Variants in TCTA observed in about 807,000 individuals in gnomAD.
TCTA encodes T-cell leukemia translocation-altered gene protein.
A neutral mutation model predicts 13.5 loss-of-function variants in TCTA; 13 were observed. The observed-to-expected ratio is 0.96, with a 90% CI of 0.63 to 1.53. The LOEUF (loss-of-function observed/expected upper bound fraction) is 1.53, where lower values mean the gene tolerates loss of function less well. TCTA is among the 40% of genes most tolerant of loss of function. The probability of loss-of-function intolerance (pLI) is 0.00; values close to 1 mark genes in which losing one functional copy is unlikely to be tolerated. For synonymous variants in TCTA, 58 were observed against 59.0 expected, an observed-to-expected ratio of 0.98 and a Z score of 0.08; for missense variants, 138 against 131.3, an observed-to-expected ratio of 1.05 and a Z score of -0.25.
Position 49,415,843 on chromosome 3 carries a change from CCTT to C in TCTA, c.*985_*987del, listed in dbSNP as rs1371790525. ...CTGTCCTACTCATATTCCTCTCAGT[CCTT>C]CTTGGGGGTAAGCTGATTACCTGAA... On this transcript the variant is annotated 3_prime_UTR_variant, in exon 3 of 3. Transcript: ENST00000273590. 2.6e-5 allele frequency: 4 copies of C among 152,250 alleles called. No homozygotes were observed. The highest frequency in any genetic ancestry group is 9.7e-5 in the African/African-American group (4 of 41,438). 9.4% of individuals were successfully genotyped at this position (152,250 alleles called of 1,614,324 possible).
At position 49,413,038 on chromosome 3, in the gene TCTA, A is replaced by G; in HGVS notation, c.215-18A>G. On this transcript the variant is annotated intron_variant, in intron 1 of 2. Transcript: ENST00000273590. Reference sequence around the variant, plus strand: ...CCACCCCAGCCTTCTGCAGCTCTGGATGTGTTTCTGCCTCCAGGTCTGGGT... The same window carrying G: ...CCACCCCAGCCTTCTGCAGCTCTGGGTGTGTTTCTGCCTCCAGGTCTGGGT... 2 of 1,613,702 alleles carry G rather than the reference A, an allele frequency of 1.2e-6. No individual in the cohort carries two copies. The highest frequency in any genetic ancestry group is 1.7e-6 in the Non-Finnish European group (2 of 1,179,830).
In TCTA at chr3:49,412,565, G is replaced by A. The variant is rs765410971; in HGVS notation, c.139G>A (p.Val47Met). The A allele has an allele frequency of 1.2e-6, 2 of 1,614,152 alleles. No homozygotes were observed. Among genetic ancestry groups the A allele is most frequent in the Non-Finnish European group, 8.5e-7 (1 of 1,180,058 alleles). ...CTTCAAGCTGCTGCTGCTGTGGTTGGTGTTAAGTCTCCTGGGCATCCAGCT... is the reference window on the plus strand; with the variant it reads ...CTTCAAGCTGCTGCTGCTGTGGTTGATGTTAAGTCTCCTGGGCATCCAGCT... ...TLFKLLLLWLVLSLLGIQLAW... is the reference protein window; with the variant it reads ...TLFKLLLLWLMLSLLGIQLAW... Residue 47 changes from valine (V) to methionine (M), a missense_variant, in exon 1 of 3, where the codon GTG becomes ATG. By Grantham distance (21) the Val-to-Met change is conservative (BLOSUM62 1). Coordinates refer to ENST00000273590, the MANE Select transcript of TCTA (RefSeq NM_022171.3).
intron 2 of TCTA, among the ~76,000 whole-genome samples, chr3:49,414,057 T>C (rs927966778): frequency 2.6e-5 from 4 of 151,982 alleles, no homozygotes; most frequent in Admixed American, 2.6e-4. Flanking sequence ...CTGGCCAACA[T>C]AGGGAAACCC....
intron 1 of TCTA, 55 bp from the exon 2 acceptor site, chr3:49,413,001 C>T: frequency 6.3e-7 from 1 of 1,589,788 alleles, no homozygotes; most frequent in Non-Finnish European, 8.6e-7. Flanking sequence ...GGGCTGATGC[C>T]TGCTCAGATT....
Position 49,414,949 on chromosome 3 carries a change from A to G in TCTA, c.*87A>G, listed in dbSNP as rs1426934154. 6.4e-7 allele frequency: 1 copy of G among 1,560,066 alleles called. No homozygotes were observed. Among genetic ancestry groups the G allele is most frequent in the African/African-American group, 1.4e-5 (1 of 73,550 alleles). Reference sequence around the variant, plus strand: ...TGCTACTCCCCAGACCTCAGGGACAACTGCCGGGGGTTCAGGGTTGGTAGC... The same window carrying G: ...TGCTACTCCCCAGACCTCAGGGACAGCTGCCGGGGGTTCAGGGTTGGTAGC... On this transcript the variant is annotated 3_prime_UTR_variant, in exon 3 of 3. Transcript: ENST00000273590.
Position 49,413,076 on chromosome 3 carries a change from T to C in TCTA, c.235T>C (p.Ser79Pro). 1 of 1,614,128 alleles carries C rather than the reference T, an allele frequency of 6.2e-7. No homozygotes were observed. Among genetic ancestry groups the C allele is most frequent in the Non-Finnish European group, 8.5e-7 (1 of 1,180,026 alleles). ...TCCAGGTCTGGGTGGTCAGAATGGA[T>C]CCACGCCTGATGGCTCCACGCATTT... ...HRPGLGGQNG[S>P]TPDGSTHFPS... Residue 79 changes from serine to proline, a missense_variant, in exon 2 of 3, where the codon TCC (serine) becomes CCC (proline). Transcript: ENST00000273590.
intron 2 of TCTA, among the ~76,000 whole-genome samples, chr3:49,414,027 G>A (rs929333005): frequency 1.3e-5 from 2 of 152,284 alleles, no homozygotes; most frequent in South Asian, 4.1e-4. Flanking sequence ...ATCACTTGAG[G>A]TCAGGAGTTT....
In TCTA at chr3:49,413,236, A is replaced by C. The variant is rs575771291; in HGVS notation, c.269+126A>C. The C allele has an allele frequency of 6.7e-6, 7 of 1,040,492 alleles. No individual in the cohort carries two copies. In the African/African-American group the frequency reaches 1.1e-4, roughly 16 times the overall value. 64.5% of individuals were successfully genotyped at this position (1,040,492 alleles called of 1,614,324 possible). Reference sequence around the variant, plus strand: ...CTTAATGGCCTTTGCAGCAAGCTTCAAGTCTGCACGTAGAGCTCAGGCTTC... The same window carrying C: ...CTTAATGGCCTTTGCAGCAAGCTTCCAGTCTGCACGTAGAGCTCAGGCTTC... On this transcript the variant is annotated intron_variant, in intron 2 of 2. Transcript: ENST00000273590.
At chr3:49,414,705 T>G in intron 2 of TCTA, 115 bp from the exon 3 acceptor site, 1 of 1,286,562 alleles carries the variant, frequency 7.8e-7, no homozygotes, top group Non-Finnish European at 1.1e-6. Flanking sequence ...TAGATTGTTA[T>G]GTGACCTTAC....
Position 49,412,610 on chromosome 3 carries a change from A to G in TCTA, c.184A>G (p.Asn62Asp). 6.2e-7 allele frequency: 1 copy of G among 1,614,184 alleles called. No individual in the cohort carries two copies. Among genetic ancestry groups the G allele is most frequent in the East Asian group, 2.2e-5 (1 of 44,882 alleles). ...CCAGCTGGCGTGGGGGTTCTACGGGAATACAGTGACCGGGTTGTATCACCG... is the reference window on the plus strand; with the variant it reads ...CCAGCTGGCGTGGGGGTTCTACGGGGATACAGTGACCGGGTTGTATCACCG... ...GIQLAWGFYG[N>D]TVTGLYHRPG... is the part of the protein sequence containing the mutation. Residue 62 changes from asparagine to aspartate, a missense_variant, in exon 1 of 3, where the codon AAT becomes GAT. Physicochemically the swap from Asn to Asp is conservative, Grantham distance 23. Coordinates refer to ENST00000273590, the MANE Select transcript of TCTA (RefSeq NM_022171.3).
At chr3:49,413,023 C>A in intron 1 of TCTA, 33 bp from the exon 2 acceptor site, 1 of 1,612,566 alleles carries the variant, frequency 6.2e-7, no homozygotes, top group Non-Finnish European at 8.5e-7. Context: ...CCACCCCAGC[C>A]TTCTGCAGCT....
In TCTA at chr3:49,412,634, C is replaced by T. The variant is rs1265377092; in HGVS notation, c.208C>T (p.Arg70Cys). The T allele has an allele frequency of 1.9e-6, 3 of 1,613,400 alleles. No individual in the cohort carries two copies. Among genetic ancestry groups the T allele is most frequent in the Non-Finnish European group, 2.5e-6 (3 of 1,179,302 alleles). Residue 70 changes from arginine (R) to cysteine (C), a missense_variant, in exon 1 of 3, where the codon CGT becomes TGT. Physicochemically the swap from Arg to Cys is radical, Grantham distance 180. Coordinates refer to ENST00000273590, the MANE Select transcript of TCTA (RefSeq NM_022171.3). Reference protein sequence around the residue: ...YGNTVTGLYHRPGLGGQNGST... With the variant: ...YGNTVTGLYHCPGLGGQNGST... ...GAATACAGTGACCGGGTTGTATCAC[C>T]GTCCAGGTGAGGCTTCCTACGAACC...
chr3:49,413,185 G>A, intron 2 of TCTA, 75 bp downstream of exon 2: 1 of 1,553,772 alleles, frequency 6.4e-7, no homozygotes. Context: ...ACAGAGAGGG[G>A]AGTTCTCAGG....
intron 2 of TCTA, among the ~76,000 whole-genome samples, chr3:49,414,260 G>A (rs1299255779): frequency 6.6e-6 from 1 of 151,774 alleles, no homozygotes; most frequent in Non-Finnish European, 1.5e-5. Context: ...AACAGGCCGG[G>A]CATGGTGGCT....
At chr3:49,414,134 G>A (rs558073089) in intron 2 of TCTA, among the ~76,000 whole-genome samples, 7 of 152,182 alleles carry the variant, frequency 4.6e-5, no homozygotes, top group South Asian at 2.1e-4. Flanking sequence ...CCAGCTACTC[G>A]GGAGGCTGAG....
Position 49,412,559 on chromosome 3 carries a change from T to C in TCTA, c.133T>C (p.Trp45Arg). The change falls in exon 1 of 3, where the codon TGG (tryptophan) becomes CGG (arginine). Residue 45 changes from tryptophan to arginine, a missense_variant. Coordinates refer to ENST00000273590, the MANE Select transcript of TCTA (RefSeq NM_022171.3). ...GACCCTCTTCAAGCTGCTGCTGCTG[T>C]GGTTGGTGTTAAGTCTCCTGGGCAT... ...RVTLFKLLLL[W>R]LVLSLLGIQL... 6.2e-7 allele frequency: 1 copy of C among 1,614,222 alleles called. No homozygotes were observed. The highest frequency in any genetic ancestry group is 8.5e-7 in the Non-Finnish European group (1 of 1,180,036).
intron 2 of TCTA, among the ~76,000 whole-genome samples, chr3:49,414,583 A>T (rs2048985335): frequency 6.6e-6 from 1 of 152,192 alleles, no homozygotes; most frequent in East Asian, 1.9e-4. Context: ...GAATAAAAAA[A>T]CTAGAGAAGG....
At chr3:49,412,992 G>C in intron 1 of TCTA, 64 bp from the exon 2 acceptor site, 1 of 1,565,450 alleles carries the variant, frequency 6.4e-7, no homozygotes, top group Non-Finnish European at 8.8e-7. Flanking sequence ...ACCTGACCTG[G>C]GCTGATGCCT....
Position 49,412,501 on chromosome 3 carries a change from C to T in TCTA, c.75C>T (p.Phe25=). The T allele has an allele frequency of 6.2e-7, 1 of 1,614,184 alleles. No individual in the cohort carries two copies. Among genetic ancestry groups the T allele is most frequent in the Non-Finnish European group, 8.5e-7 (1 of 1,180,030 alleles). The part of the protein sequence containing the change: ...ATVLGALGSE[F]LREWEAQDMR... ...TGCTGGGCGCGCTGGGCAGCGAGTT[C>T]TTGCGGGAGTGGGAGGCGCAGGACA... Residue 25 remains phenylalanine, a synonymous_variant, in exon 1 of 3, where the codon TTC becomes TTT. Transcript: ENST00000273590.
Sources: gnomAD v4.1 joint callset for allele counts (sites outside exome capture counted in the v4.1 genomes callset) on GRCh38, gnomAD v4.1.1 for gene constraint, MANE v1.5 for transcripts, NCBI Gene and HGNC (gene_info 2026-07-23, HGNC 2026-07-21) for gene names.